The following SGF29 variants were observed in gnomAD, a reference collection of about 807,000 sequenced individuals.
The protein encoded by SGF29 is SAGA complex associated factor 29.
A neutral mutation model predicts 38.1 loss-of-function variants in SGF29; 15 were observed. That is an observed-to-expected ratio of 0.39 (90% CI 0.26 to 0.61). The LOEUF is 0.61. Ranked by LOEUF, SGF29 falls within the 20% of genes least tolerant of loss-of-function variation. The pLI, the probability that SGF29 is intolerant of heterozygous loss-of-function variation, is 0.49. For synonymous variants in SGF29, 151 were observed against 160.8 expected, an observed-to-expected ratio of 0.94 and a Z score of 0.46; for missense variants, 184 against 394.6, an observed-to-expected ratio of 0.47 and a Z score of 4.52.
chr16:28,579,251 A>T (rs1423300249), intron 1 of SGF29, among the ~76,000 whole-genome samples: 1 of 150,284 alleles, frequency 6.7e-6, no homozygotes, highest in Non-Finnish European at 1.5e-5. Context: ...CTCTTGTTCT[A>T]ATTATCTTTT....
At chr16:28,584,815 A>C in intron 2 of SGF29, 98 bp from the exon 3 acceptor site, 8 of 587,350 alleles carry the variant, frequency 1.4e-5, no homozygotes, top group Non-Finnish European at 2.4e-5. Context: ...AAAGAAAATG[A>C]GGGCCGTATT....
At chr16:28,566,925 C>T (rs920464650) in intron 1 of SGF29, among the ~76,000 whole-genome samples, 11 of 152,228 alleles carry the variant, frequency 7.2e-5, no homozygotes, top group African/African-American at 2.2e-4. Context: ...CTGCCTTGGC[C>T]TCCCAAACTG....
At chr16:28,581,511 C>T (rs999749190) in intron 2 of SGF29, among the ~76,000 whole-genome samples, 3 of 152,098 alleles carry the variant, frequency 2.0e-5, no homozygotes, top group African/African-American at 7.2e-5. Flanking sequence ...CTTTTCCTTC[C>T]ACCCTATTAA....
chr16:28,568,917 A>G (rs1183393113), intron 1 of SGF29, among the ~76,000 whole-genome samples: 1 of 148,732 alleles, frequency 6.7e-6, no homozygotes, highest in African/African-American at 2.5e-5. Flanking sequence ...ATCTCAAAAA[A>G]AGAAAAAAAA....
intron 1 of SGF29, among the ~76,000 whole-genome samples, chr16:28,557,176 A>G (rs1006618340): frequency 5.3e-5 from 8 of 152,168 alleles, no homozygotes; most frequent in Non-Finnish European, 1.0e-4. Context: ...TGGTTAACAT[A>G]TGCTTCTACC....
chr16:28,569,822 G>A (rs1392658459), intron 1 of SGF29, among the ~76,000 whole-genome samples: 1 of 152,152 alleles, frequency 6.6e-6, no homozygotes, highest in Admixed American at 6.6e-5. Context: ...GGCCCAGAAG[G>A]CCCAGGGTGT....
intron 2 of SGF29, among the ~76,000 whole-genome samples, chr16:28,584,382 C>T (rs532881956): frequency 3.3e-5 from 5 of 151,784 alleles, no homozygotes; most frequent in African/African-American, 4.8e-5. Flanking sequence ...GGGCCATAGC[C>T]GGGCGCCCTT....
At chr16:28,573,561 C>G (rs1205411376) in intron 1 of SGF29, among the ~76,000 whole-genome samples, 1 of 152,120 alleles carries the variant, frequency 6.6e-6, no homozygotes, top group Non-Finnish European at 1.5e-5. Context: ...TTTGGAAGCT[C>G]TTTTGTGTTT....
chr16:28,558,691 T>G (rs1166669137), intron 1 of SGF29, among the ~76,000 whole-genome samples: 1 of 152,214 alleles, frequency 6.6e-6, no homozygotes. Flanking sequence ...AAACGACATC[T>G]ATCCATAGAA....
At chr16:28,569,933 C>A (rs2046855155) in intron 1 of SGF29, among the ~76,000 whole-genome samples, 1 of 152,188 alleles carries the variant, frequency 6.6e-6, no homozygotes, top group Non-Finnish European at 1.5e-5. Context: ...GCTGTCTTTG[C>A]TGGTGCACAG....
intron 1 of SGF29, among the ~76,000 whole-genome samples, chr16:28,571,710 G>T (rs1388286019): frequency 6.6e-6 from 1 of 152,078 alleles, no homozygotes; most frequent in African/African-American, 2.4e-5. Context: ...GCCAAGGAAA[G>T]CCTACGCTTT....
chr16:28,564,745 GTATATATATGTATATA>G (rs1430292831), intron 1 of SGF29, among the ~76,000 whole-genome samples: 5 of 23,472 alleles, frequency 2.1e-4, no homozygotes, highest in African/African-American at 7.6e-4. Context: ...ATGTATATAT[GTATATATATGTATATA>G]TGTATATATA....
intron 1 of SGF29, among the ~76,000 whole-genome samples, chr16:28,567,880 T>C (rs2046843582): frequency 6.6e-6 from 1 of 152,158 alleles, no homozygotes; most frequent in Non-Finnish European, 1.5e-5. Context: ...GCAAAATTAA[T>C]GTAGAGTTTA....
In SGF29 at chr16:28,590,542, C is replaced by T. The variant is rs1376851508; in HGVS notation, c.567-89C>T. On this transcript the variant is annotated intron_variant, in intron 7 of 9. Transcript: ENST00000317058. This position sits in a 1 kb window ranked among gnomAD's most constrained non-coding sequence, Gnocchi z 8.2. ...GGGTGCTCCCCAGAGGCTGGTTGTG[C>T]AGGGAGCACCAGGTCCTCCCCCATC... 3.1e-6 allele frequency: 5 copies of T among 1,611,026 alleles called. No homozygotes were observed. In the Admixed American group the frequency reaches 6.7e-5, roughly 21 times the overall value.
At chr16:28,568,052 C>T (rs2046844277) in intron 1 of SGF29, among the ~76,000 whole-genome samples, 1 of 151,904 alleles carries the variant, frequency 6.6e-6, no homozygotes, top group Admixed American at 6.6e-5. Flanking sequence ...TTGACTCACG[C>T]CTGTAACCCC....
At chr16:28,589,366 C>G (rs1382990303) in intron 5 of SGF29, 2 of 569,086 alleles carry the variant, frequency 3.5e-6, no homozygotes, top group Non-Finnish European at 6.3e-6. Flanking sequence ...CCAGTTCTCC[C>G]TCAGCAGCCA....
chr16:28,569,429 GC>G (rs2046852044), intron 1 of SGF29, among the ~76,000 whole-genome samples: 2 of 152,096 alleles, frequency 1.3e-5, no homozygotes, highest in South Asian at 4.1e-4. Context: ...GGAGGTTGAG[GC>G]AGGTGGATCA....
At chr16:28,564,523 G>A (rs972536519) in intron 1 of SGF29, among the ~76,000 whole-genome samples, 298 of 105,614 alleles carry the variant, frequency 2.8e-3, no homozygotes, top group African/African-American at 8.9e-3. Flanking sequence ...ATATATATGT[G>A]TGTGTATATA....
rs140582842 is a variant in SGF29, at chr16:28,575,383, A to C, written c.-15-5672A>C. On this transcript the variant is annotated intron_variant, in intron 1 of 9. Transcript: ENST00000317058. ...ATTAAAAACATGTGCTTCCAAGGAC[A>C]CAACTCAAGACAACTGGCTGGACAC... 6.8e-3 allele frequency among the ~76,000 whole-genome samples: 1,039 copies of C among 152,344 alleles called. 4 individuals are homozygous for C. The highest frequency in any genetic ancestry group is 0.011 in the Non-Finnish European group (726 of 68,034).
Sources: allele counts gnomAD v4.1 joint callset (sites outside exome capture counted in the v4.1 genomes callset), GRCh38; gene constraint gnomAD v4.1.1; non-coding constraint Gnocchi (gnomAD v3.1); transcripts MANE v1.5; gene names NCBI Gene and HGNC (gene_info 2026-07-23, HGNC 2026-07-21).